The following ARID5B variants were observed in gnomAD, a reference collection of about 807,000 sequenced individuals.
ARID5B encodes the protein AT-rich interactive domain-containing protein 5B.
Under a neutral mutation model 97.2 loss-of-function variants are expected in ARID5B, and 13 were observed. The observed-to-expected ratio is 0.13, with a 90% CI of 0.09 to 0.21. ARID5B has a LOEUF of 0.21. Ranked by LOEUF, ARID5B falls within the 10% of genes least tolerant of loss-of-function variation. ARID5B has a pLI of 1.00. For synonymous variants in ARID5B, 556 were observed against 570.3 expected (o/e 0.97, Z 0.36); for missense variants, 1,210 against 1,465.3 (o/e 0.83, Z 2.84).
Position 62,091,193 on chromosome 10 carries a change from C to T in ARID5B, c.1730C>T (p.Ser577Phe). ...PSALVDSKQE[S>F]KLCCFTESPE... ...GCCCTGGTGGACTCAAAACAAGAAT[C>T]CAAACTGTGCTGTTTTACAGAGAGC... Residue 577 changes from serine (S) to phenylalanine (F), a missense_variant, in exon 10 of 10, where the codon TCC becomes TTC. Coordinates refer to ENST00000279873, the MANE Select transcript of ARID5B (RefSeq NM_032199.3). The T allele has an allele frequency of 5.6e-6, 9 of 1,614,146 alleles. No homozygotes were observed. The highest frequency in any genetic ancestry group is 7.6e-6 in the Non-Finnish European group (9 of 1,180,032).
intron 3 of ARID5B, among the ~76,000 whole-genome samples, chr10:61,990,653 G>A (rs1464669449): frequency 6.6e-6 from 1 of 152,160 alleles, no homozygotes; most frequent in Non-Finnish European, 1.5e-5. Flanking sequence ...GTGGATTGGA[G>A]AGACACCACT....
chr10:61,968,585 G>A (rs977923789), intron 3 of ARID5B, among the ~76,000 whole-genome samples: 2 of 152,022 alleles, frequency 1.3e-5, no homozygotes, highest in Admixed American at 6.6e-5. Context: ...GTACAGTTCC[G>A]TGCTCTTTTT....
At chr10:62,084,606 A>T (rs1840256983) in intron 8 of ARID5B, among the ~76,000 whole-genome samples, 1 of 152,366 alleles carries the variant, frequency 6.6e-6, no homozygotes, top group South Asian at 2.1e-4. Flanking sequence ...TGAGTCATTA[A>T]TCATACCAAA....
At chr10:62,081,222 A>G (rs1840209600) in intron 8 of ARID5B, among the ~76,000 whole-genome samples, 1 of 152,248 alleles carries the variant, frequency 6.6e-6, no homozygotes, top group African/African-American at 2.4e-5. Flanking sequence ...ATTTGATACC[A>G]TAAAGTGCCT....
At chr10:62,090,325 T>C (rs568486546) in intron 9 of ARID5B, among the ~76,000 whole-genome samples, 1 of 152,232 alleles carries the variant, frequency 6.6e-6, no homozygotes. Flanking sequence ...TTAACACTTA[T>C]GCATTGCTAA....
Position 61,979,384 on chromosome 10 carries a change from G to A in ARID5B, c.503-20707G>A, listed in dbSNP as rs149759995. On this transcript the variant is annotated intron_variant, in intron 3 of 9. Transcript: ENST00000279873. ...ATCTTGTTTTTGTTTTTTAAATTCCGTGTTCCTGGTGAGCCATGTAGATCG... is the reference window on the plus strand; with the variant it reads ...ATCTTGTTTTTGTTTTTTAAATTCCATGTTCCTGGTGAGCCATGTAGATCG... Among the ~76,000 whole-genome samples, 616 of 152,230 alleles carry A rather than the reference G, an allele frequency of 4.0e-3. 3 individuals are homozygous for A. Among genetic ancestry groups the A allele is most frequent in the African/African-American group, 0.014 (590 of 41,530 alleles).
At chr10:61,954,385 AT>A (rs1480915639) in intron 3 of ARID5B, among the ~76,000 whole-genome samples, 2 of 151,602 alleles carry the variant, frequency 1.3e-5, no homozygotes, top group East Asian at 1.9e-4. Context: ...ATAAATAAAA[AT>A]AAAATAAAAT....
In ARID5B at chr10:61,925,409, T is replaced by A. The variant is rs534572261; in HGVS notation, c.277-14774T>A. ...GTTTTAATGGCCAGAGCTAACTGGGTGCCAAGCTAGCTTTTATTATGGCAA... is the reference window on the plus strand; with the variant it reads ...GTTTTAATGGCCAGAGCTAACTGGGAGCCAAGCTAGCTTTTATTATGGCAA... On this transcript the variant is annotated intron_variant, in intron 2 of 9. Transcript: ENST00000279873. 1.1e-4 allele frequency among the ~76,000 whole-genome samples: 17 copies of A among 152,140 alleles called. No individual in the cohort carries two copies. The South Asian group carries it at 3.3e-3, about 30-fold the overall frequency.
At chr10:62,054,030 C>G (rs947194546) in intron 5 of ARID5B, among the ~76,000 whole-genome samples, 1 of 152,104 alleles carries the variant, frequency 6.6e-6, no homozygotes, top group Non-Finnish European at 1.5e-5. Context: ...AACTCAATCC[C>G]GTGGAAGGAT....
intron 9 of ARID5B, among the ~76,000 whole-genome samples, chr10:62,086,973 G>A (rs1840294000): frequency 1.3e-5 from 2 of 152,074 alleles, no homozygotes; most frequent in African/African-American, 2.4e-5. Context: ...ATTGATTTCT[G>A]TGCAACAGCC....
chr10:61,946,083 T>C (rs976472474), intron 3 of ARID5B, among the ~76,000 whole-genome samples: 1 of 148,692 alleles, frequency 6.7e-6, no homozygotes, highest in African/African-American at 2.4e-5. Context: ...TATTAATATA[T>C]ATTTATATTT....
At chr10:61,927,500 T>C (rs1844128058) in intron 2 of ARID5B, among the ~76,000 whole-genome samples, 1 of 152,204 alleles carries the variant, frequency 6.6e-6, no homozygotes, top group African/African-American at 2.4e-5. Context: ...ACCATTAAAA[T>C]AAGCACTTGG....
At chr10:62,080,462 T>C (rs1019241103) in intron 8 of ARID5B, among the ~76,000 whole-genome samples, 1 of 152,192 alleles carries the variant, frequency 6.6e-6, no homozygotes, top group African/African-American at 2.4e-5. Flanking sequence ...TCTTCCACTT[T>C]TATGGTCATG....
chr10:61,910,992 A>G (rs1007788527), intron 2 of ARID5B, among the ~76,000 whole-genome samples: 1 of 152,190 alleles, frequency 6.6e-6, no homozygotes, highest in African/African-American at 2.4e-5. Flanking sequence ...TTGCTAGTCA[A>G]TCTAGTGACC....
In ARID5B at chr10:62,092,936, T is replaced by G. The variant is rs768573131; in HGVS notation, c.3473T>G (p.Leu1158Trp). The change falls in exon 10 of 10, where the codon TTG becomes TGG. Residue 1158 changes from leucine to tryptophan, a missense_variant. Physicochemically the swap from Leu to Trp is moderately conservative, Grantham distance 61. Coordinates refer to ENST00000279873, the MANE Select transcript of ARID5B (RefSeq NM_032199.3). Reference sequence around the variant, plus strand: ...GTAGGAAGTTCATATGGGGACCTTTTGCATAACAGCATTTACCCTTTAGCT... The same window carrying G: ...GTAGGAAGTTCATATGGGGACCTTTGGCATAACAGCATTTACCCTTTAGCT... ...TPVGSSYGDLLHNSIYPLAAI... is the reference protein window; with the variant it reads ...TPVGSSYGDLWHNSIYPLAAI... 6.8e-6 allele frequency: 11 copies of G among 1,614,198 alleles called. No homozygotes were observed. In the South Asian group the frequency reaches 9.9e-5, roughly 15 times the overall value.
At chr10:61,961,797 G>A (rs766109843) in intron 3 of ARID5B, among the ~76,000 whole-genome samples, 5 of 152,040 alleles carry the variant, frequency 3.3e-5, no homozygotes, top group Admixed American at 1.3e-4. Context: ...GCTCAAGCTG[G>A]AGTGCAATGG....
rs1291325999 is a variant in ARID5B, at chr10:61,940,245, A to G, written c.339A>G (p.Val113=). Residue 113 remains valine, a synonymous_variant, in exon 3 of 10, where the codon GTA becomes GTG. Coordinates refer to ENST00000279873, the MANE Select transcript of ARID5B (RefSeq NM_032199.3). ...AGCTTGAAGACCTGGTCAAGTGGGT[A>G]CATTCTGATTTCTCCAAGTGGAGAT... ...IVKLEDLVKW[V]HSDFSKWRCG... is the part of the protein sequence containing the mutation. 5.6e-6 allele frequency: 9 copies of G among 1,614,084 alleles called. No homozygotes were observed. The highest frequency in any genetic ancestry group is 4.0e-5 in the African/African-American group (3 of 74,936).
intron 4 of ARID5B, among the ~76,000 whole-genome samples, chr10:62,048,251 A>AATGC (rs1161696964): frequency 6.6e-6 from 1 of 152,240 alleles, no homozygotes; most frequent in African/African-American, 2.4e-5. Flanking sequence ...CATGTTATGC[A>AATGC]ATGCAGCCTT....
chr10:61,988,426 G>T (rs886623226), intron 3 of ARID5B, among the ~76,000 whole-genome samples: 1 of 152,214 alleles, frequency 6.6e-6, no homozygotes, highest in African/African-American at 2.4e-5. Flanking sequence ...GGTCTTAACA[G>T]TTGAAGCTTT....
Sources: gnomAD v4.1 joint callset for allele counts (sites outside exome capture counted in the v4.1 genomes callset) on GRCh38, gnomAD v4.1.1 for gene constraint, MANE v1.5 for transcripts, NCBI Gene and HGNC (gene_info 2026-07-23, HGNC 2026-07-21) for gene names.